RANBP2: variants seen among roughly 807,000 people sequenced by gnomAD.
The protein encoded by RANBP2 is RAN binding protein 2.
RANBP2 carries 57 observed loss-of-function variants against 303.6 expected under a neutral mutation model. That is an observed-to-expected ratio of 0.19 (90% CI 0.15 to 0.23). RANBP2 has a LOEUF of 0.23. RANBP2 is among the 10% of genes least tolerant of loss of function. The pLI is 1.00. For synonymous variants in RANBP2, 1,167 were observed against 1,301.5 expected, an observed-to-expected ratio of 0.90 and a Z score of 2.23; for missense variants, 3,138 against 3,780.8, an observed-to-expected ratio of 0.83 and a Z score of 4.46.
the RANBP2 span, among the ~76,000 whole-genome samples, chr2:109,277,173 T>G: frequency 6.6e-6 from 1 of 152,090 alleles, no homozygotes; most frequent in Non-Finnish European, 1.5e-5. Flanking sequence ...CATTACGTAG[T>G]TAGAAACAGT....
the RANBP2 span, among the ~76,000 whole-genome samples, chr2:109,451,367 C>T: frequency 3.3e-5 from 5 of 152,202 alleles, no homozygotes; most frequent in Non-Finnish European, 7.3e-5. Context: ...AAGCATTCTT[C>T]CTTCTTCTGA....
chr2:109,006,179 ATTTTCT>A, the RANBP2 span, among the ~76,000 whole-genome samples: 325 of 151,890 alleles, frequency 2.1e-3, 2 homozygotes, highest in Middle Eastern at 0.02. Flanking sequence ...TTTGGGGGTA[ATTTTCT>A]TTTTCTTTTT....
the RANBP2 span, chr2:109,129,146 C>T: frequency 2.5e-6 from 1 of 398,174 alleles, no homozygotes; most frequent in Non-Finnish European, 4.8e-6. Context: ...GGGGACCTGG[C>T]CGGCCGCTGC....
the RANBP2 span, among the ~76,000 whole-genome samples, chr2:109,123,353 TCC>T: frequency 1.3e-5 from 2 of 151,010 alleles, no homozygotes; most frequent in Admixed American, 1.3e-4. Context: ...CTTCCTTCCT[TCC>T]TTCCTTCCTT....
At chr2:109,506,835 GAC>G in the RANBP2 span, among the ~76,000 whole-genome samples, 37 of 152,178 alleles carry the variant, frequency 2.4e-4, no homozygotes, top group Non-Finnish European at 5.4e-4. Flanking sequence ...AATGAGGTGG[GAC>G]TGCTATCATA....
the RANBP2 span, among the ~76,000 whole-genome samples, chr2:109,268,883 T>C: frequency 7.2e-5 from 11 of 152,190 alleles, no homozygotes; most frequent in Non-Finnish European, 1.6e-4. Flanking sequence ...CCTAATGATA[T>C]TTTCAATTTA....
the RANBP2 span, among the ~76,000 whole-genome samples, chr2:109,105,056 G>C: frequency 1.3e-4 from 20 of 152,204 alleles, no homozygotes; most frequent in Non-Finnish European, 2.6e-4. Context: ...GTGACCATAA[G>C]GTGATGGTCA....
chr2:109,589,051 C>T, the RANBP2 span, among the ~76,000 whole-genome samples: 72 of 151,868 alleles, frequency 4.7e-4, no homozygotes, highest in African/African-American at 1.7e-3. Flanking sequence ...CCACCTCAGC[C>T]TCTGGAGTAG....
the RANBP2 span, among the ~76,000 whole-genome samples, chr2:109,272,794 C>G: frequency 6.6e-6 from 1 of 152,278 alleles, no homozygotes; most frequent in South Asian, 2.1e-4. Context: ...TAAACAGCCC[C>G]CGGTACTGCC....
At chr2:109,590,075 TATATATGTATATATATAC>T in the RANBP2 span, among the ~76,000 whole-genome samples, 1 of 147,012 alleles carries the variant, frequency 6.8e-6, no homozygotes, top group Non-Finnish European at 1.5e-5. Flanking sequence ...TACACACACA[TATATATGTATATATATAC>T]ACACATATAT....
chr2:108,766,454 C>T lies in RANBP2; in HGVS notation c.5915C>T (p.Ser1972Leu), dbSNP rs773946199. Residue 1972 changes from serine to leucine, a missense_variant, in exon 20 of 29, where the codon TCA (serine) becomes TTA (leucine). Physicochemically the swap from Ser to Leu is moderately radical, Grantham distance 145 (BLOSUM62 -2). Transcript: ENST00000283195. ...GKKDPNFKGF[S>L]GAGEKLFSSQ... ...AAAGACCCCAATTTCAAGGGATTTT[C>T]AGGTGCTGGAGAAAAATTATTCTCA... 2 of 1,611,904 alleles carry T rather than the reference C, an allele frequency of 1.2e-6. No homozygotes were observed. Among genetic ancestry groups the T allele is most frequent in the South Asian group, 2.2e-5 (2 of 90,980 alleles).
chr2:109,587,354 GAC>G, the RANBP2 span, among the ~76,000 whole-genome samples: 2 of 152,052 alleles, frequency 1.3e-5, no homozygotes, highest in African/African-American at 4.8e-5. Context: ...ATAAAACTAT[GAC>G]AGTCTTAAAA....
chr2:109,318,100 C>A, the RANBP2 span, among the ~76,000 whole-genome samples: 97 of 134,510 alleles, frequency 7.2e-4, no homozygotes, highest in African/African-American at 1.2e-3. Context: ...TTTCAGTACG[C>A]AAAAAAAAAA....
At chr2:109,064,475 A>AC in the RANBP2 span, among the ~76,000 whole-genome samples, 5 of 149,060 alleles carry the variant, frequency 3.4e-5, no homozygotes, top group Non-Finnish European at 5.9e-5. Flanking sequence ...AAAAAAACAA[A>AC]AACAAACTGG....
the RANBP2 span, among the ~76,000 whole-genome samples, chr2:108,909,120 G>A: frequency 1.3e-5 from 2 of 152,164 alleles, no homozygotes; most frequent in African/African-American, 4.8e-5. Flanking sequence ...TAATATTCGT[G>A]TATGAAAGCA....
intron 6 of RANBP2, among the ~76,000 whole-genome samples, chr2:108,739,138 C>G (rs1695861774): frequency 6.6e-6 from 1 of 152,002 alleles, no homozygotes; most frequent in South Asian, 2.1e-4. Context: ...CGCGGTGGCT[C>G]AGCCCTGTAA....
At chr2:109,029,699 C>G in the RANBP2 span, among the ~76,000 whole-genome samples, 1 of 152,198 alleles carries the variant, frequency 6.6e-6, no homozygotes, top group Admixed American at 6.5e-5. Flanking sequence ...TCCTCTGTTC[C>G]CCTCTCCTTT....
chr2:109,305,852 G>A, the RANBP2 span, among the ~76,000 whole-genome samples: 1 of 152,238 alleles, frequency 6.6e-6, no homozygotes, highest in Non-Finnish European at 1.5e-5. Flanking sequence ...AGGTGACAGA[G>A]AAGAAAGCAA....
the RANBP2 span, among the ~76,000 whole-genome samples, chr2:109,388,538 C>T: frequency 6.6e-6 from 1 of 152,310 alleles, no homozygotes; most frequent in Non-Finnish European, 1.5e-5. Context: ...AGTTACAGCT[C>T]TGTAGAGGGG....
Sources: gnomAD v4.1 joint callset for allele counts (sites outside exome capture counted in the v4.1 genomes callset) on GRCh38, gnomAD v4.1.1 for gene constraint, MANE v1.5 for transcripts, NCBI Gene and HGNC (gene_info 2026-07-23, HGNC 2026-07-21) for gene names.